LRRC8C: variants seen among roughly 807,000 people sequenced by gnomAD.
The protein encoded by LRRC8C is volume-regulated anion channel subunit LRRC8C.
LRRC8C carries 20 observed loss-of-function variants against 55.3 expected under a neutral mutation model. The observed-to-expected ratio is 0.36, with a 90% CI of 0.25 to 0.53. The LOEUF (loss-of-function observed/expected upper bound fraction) is 0.53, where lower values mean the gene tolerates loss of function less well. LRRC8C is among the 20% of genes least tolerant of loss of function. LRRC8C has a pLI of 0.92. For missense variants in LRRC8C, 659 were observed against 951.4 expected, an observed-to-expected ratio of 0.69 and a Z score of 4.04; for synonymous variants, 376 against 360.7, an observed-to-expected ratio of 1.04 and a Z score of -0.48.
chr1:89,666,446 C>T (rs1657266143), intron 1 of LRRC8C, among the ~76,000 whole-genome samples: 1 of 152,084 alleles, frequency 6.6e-6, no homozygotes, highest in Non-Finnish European at 1.5e-5. Flanking sequence ...TGATTCAAAA[C>T]AAATGAGGCC....
chr1:89,672,244 C>T (rs1439185840), intron 1 of LRRC8C, among the ~76,000 whole-genome samples: 1 of 152,234 alleles, frequency 6.6e-6, no homozygotes, highest in Non-Finnish European at 1.5e-5. Context: ...GCAAGCATCA[C>T]TTCCTAAACC....
intron 1 of LRRC8C, among the ~76,000 whole-genome samples, chr1:89,683,699 A>T (rs1013528027): frequency 1.3e-5 from 2 of 152,162 alleles, no homozygotes. Context: ...TGTTTGATAG[A>T]GTTTCCAGTT....
At chr1:89,696,798 C>G (rs1223859403) in intron 2 of LRRC8C, among the ~76,000 whole-genome samples, 1 of 152,068 alleles carries the variant, frequency 6.6e-6, no homozygotes, top group Non-Finnish European at 1.5e-5. Context: ...CCTCTTTCAC[C>G]TAGAAAGAAG....
chr1:89,702,802 G>A (rs1570737203), intron 2 of LRRC8C, among the ~76,000 whole-genome samples: 2 of 152,148 alleles, frequency 1.3e-5, no homozygotes, highest in East Asian at 3.9e-4. Context: ...TGACTTAAGA[G>A]CTGATATAAC....
At chr1:89,703,084 T>C (rs1347826025) in intron 2 of LRRC8C, among the ~76,000 whole-genome samples, 1 of 152,022 alleles carries the variant, frequency 6.6e-6, no homozygotes, top group Non-Finnish European at 1.5e-5. Flanking sequence ...TTTCCCAAAA[T>C]TAAAGAAAGT....
chr1:89,698,490 G>A (rs1450612732), intron 2 of LRRC8C, among the ~76,000 whole-genome samples: 1 of 152,006 alleles, frequency 6.6e-6, no homozygotes, highest in African/African-American at 2.4e-5. Context: ...AGCTTTTTTA[G>A]TGCTTAATCT....
chr1:89,705,980 C>A (rs1334659552), intron 2 of LRRC8C, among the ~76,000 whole-genome samples: 2 of 152,074 alleles, frequency 1.3e-5, no homozygotes, highest in Non-Finnish European at 2.9e-5. Flanking sequence ...CAGTTCTTAA[C>A]TTATAAAGTG....
intron 1 of LRRC8C, among the ~76,000 whole-genome samples, chr1:89,657,129 C>A (rs960091940): frequency 1.3e-5 from 2 of 152,176 alleles, no homozygotes; most frequent in South Asian, 2.1e-4. Context: ...ATTAATGTGA[C>A]CGCTTATGAC....
chr1:89,714,754 C>T lies in LRRC8C; in HGVS notation c.2184C>T (p.Cys728=). 1.2e-6 allele frequency: 2 copies of T among 1,613,766 alleles called. No homozygotes were observed. The highest frequency in any genetic ancestry group is 1.7e-6 in the Non-Finnish European group (2 of 1,179,870). ...GCCTTCCAGATGAACTCTACTTCTG[C>T]AAGAAACTTAAAACTCTGAAGATTG... ...VESLPDELYF[C]KKLKTLKIGK... is the part of the protein sequence containing the mutation. Residue 728 remains cysteine, a synonymous_variant, in exon 3 of 3, where the codon TGC becomes TGT. Coordinates refer to ENST00000370454, the MANE Select transcript of LRRC8C (RefSeq NM_032270.5). The surrounding 1 kb of genome is among the most constrained non-coding windows in gnomAD (Gnocchi z 4.6).
chr1:89,643,160 T>C (rs1353840061), intron 1 of LRRC8C, among the ~76,000 whole-genome samples: 2 of 152,238 alleles, frequency 1.3e-5, no homozygotes, highest in Admixed American at 1.3e-4. Flanking sequence ...GGCACAATCT[T>C]GGCTCACTAC....
At chr1:89,665,658 A>C (rs1360923996) in intron 1 of LRRC8C, among the ~76,000 whole-genome samples, 1 of 152,236 alleles carries the variant, frequency 6.6e-6, no homozygotes, top group Non-Finnish European at 1.5e-5. Flanking sequence ...TAAAAAGCAA[A>C]AAAGTTGCAG....
chr1:89,713,399 A>C lies in LRRC8C; in HGVS notation c.829A>C (p.Ile277Leu), dbSNP rs1221519006. 1 of 1,614,176 alleles carries C rather than the reference A, an allele frequency of 6.2e-7. No individual in the cohort carries two copies. Among genetic ancestry groups the C allele is most frequent in the Non-Finnish European group, 8.5e-7 (1 of 1,180,030 alleles). ...VLKVIKFLII[I>L]AYNSALVSKV... ...TAAAGTTATCAAATTCCTAATCATC[A>C]TTGCATATAATAGTGCTCTGGTTTC... Residue 277 changes from isoleucine to leucine, a missense_variant, in exon 3 of 3, where the codon ATT becomes CTT. Transcript: ENST00000370454. The surrounding 1 kb of genome is among the most constrained non-coding windows in gnomAD (Gnocchi z 5.2).
rs1190285578 is a variant in LRRC8C, at chr1:89,713,552, A to G, written c.982A>G (p.Ser328Gly). Residue 328 changes from serine (S) to glycine (G), a missense_variant, in exon 3 of 3, where the codon AGT (serine) becomes GGT (glycine). Ser to Gly is a moderately conservative substitution (Grantham distance 56). Coordinates refer to ENST00000370454, the MANE Select transcript of LRRC8C (RefSeq NM_032270.5). This position sits in a 1 kb window ranked among gnomAD's most constrained non-coding sequence, Gnocchi z 5.2. ...GTCCTTTTGCTATCTGTGCTTTGTT[A>G]GTATCTATGGATTGACGTGCCTTTA... ...KLSFCYLCFV[S>G]IYGLTCLYTL... 1.9e-6 allele frequency: 3 copies of G among 1,614,016 alleles called. No individual in the cohort carries two copies. The Admixed American group carries it at 5.0e-5, about 27-fold the overall frequency.
rs1182861365 is a variant in LRRC8C at position 89,714,595 on chromosome 1, G to C, written c.2025G>C (p.Leu675=). ...TTAGTCACAATAAAATAGAGGTGCT[G>C]CCTTCCCACCTCTTCCTATGCAACA... ...LSFSHNKIEV[L]PSHLFLCNKI... is the part of the protein sequence containing the mutation. The change falls in exon 3 of 3, where the codon CTG becomes CTC. Residue 675 remains leucine (L), a synonymous_variant. Coordinates refer to ENST00000370454, the MANE Select transcript of LRRC8C (RefSeq NM_032270.5). The surrounding 1 kb of genome is among the most constrained non-coding windows in gnomAD (Gnocchi z 4.6). 14 of 1,613,992 alleles carry C rather than the reference G, an allele frequency of 8.7e-6. No homozygotes were observed. Among genetic ancestry groups the C allele is most frequent in the Non-Finnish European group, 1.2e-5 (14 of 1,179,928 alleles).
At chr1:89,685,180 G>A (rs1429269809) in intron 1 of LRRC8C, among the ~76,000 whole-genome samples, 5 of 141,236 alleles carry the variant, frequency 3.5e-5, no homozygotes, top group South Asian at 2.5e-4. Context: ...CTGCAGTGGC[G>A]CAATCTCGGC....
rs1320564308 is a variant in LRRC8C at position 89,699,319 on chromosome 1, A to G, written c.138+12708A>G. Among the ~76,000 whole-genome samples the G allele has an allele frequency of 2.0e-5, 3 of 152,216 alleles. No homozygotes were observed. The East Asian group carries it at 5.8e-4, about 29-fold the overall frequency. ...TTACAGTGGATACATGTTGTTATAC[A>G]TTTGTCCAAATCTTTATCCAACACC... On this transcript the variant is annotated intron_variant, in intron 2 of 2. Coordinates refer to ENST00000370454, the MANE Select transcript of LRRC8C (RefSeq NM_032270.5).
At chr1:89,616,112 C>T in the LRRC8C span, among the ~76,000 whole-genome samples, 2 of 152,106 alleles carry the variant, frequency 1.3e-5, no homozygotes, top group South Asian at 2.1e-4. Flanking sequence ...TGTCCTACTC[C>T]CTTGTGCCTC....
intron 1 of LRRC8C, among the ~76,000 whole-genome samples, chr1:89,635,875 A>T (rs1371053338): frequency 6.6e-6 from 1 of 152,224 alleles, no homozygotes; most frequent in Non-Finnish European, 1.5e-5. Context: ...CCAAGATTTT[A>T]TACTTCATTT....
At chr1:89,657,636 G>A (rs1570700428) in intron 1 of LRRC8C, among the ~76,000 whole-genome samples, 1 of 152,020 alleles carries the variant, frequency 6.6e-6, no homozygotes, top group East Asian at 1.9e-4. Flanking sequence ...AGCTACTTGG[G>A]AGACTGAGGC....
Sources: gnomAD v4.1 joint callset for allele counts (sites outside exome capture counted in the v4.1 genomes callset) on GRCh38, gnomAD v4.1.1 for gene constraint, Gnocchi (gnomAD v3.1) non-coding constraint, MANE v1.5 for transcripts, NCBI Gene and HGNC (gene_info 2026-07-23, HGNC 2026-07-21) for gene names.